Variants in BNC2 observed in about 807,000 individuals in gnomAD.
The protein encoded by BNC2 is zinc finger protein basonuclin-2.
BNC2 carries 20 observed loss-of-function variants against 76.3 expected under a neutral mutation model. That is an observed-to-expected ratio of 0.26 (90% CI 0.18 to 0.38). The LOEUF (loss-of-function observed/expected upper bound fraction) is 0.38. Ranked by LOEUF, BNC2 falls within the 10% of genes least tolerant of loss-of-function variation. The probability of loss-of-function intolerance (pLI) is 1.00; values close to 1 mark genes in which losing one functional copy is unlikely to be tolerated. For synonymous variants in BNC2, 582 were observed against 514.8 expected, an observed-to-expected ratio of 1.13 and a Z score of -1.77; for missense variants, 1,382 against 1,399.8, an observed-to-expected ratio of 0.99 and a Z score of 0.20.
chr9:16,753,519 G>A (rs6475075), intron 1 of BNC2, among the ~76,000 whole-genome samples: 131,060 of 152,206 alleles, frequency 0.86, 56,811 homozygotes, highest in Non-Finnish European at 0.91. Flanking sequence ...CATAAATAGT[G>A]CTTAAATCTA....
At chr9:16,528,820 A>C (rs563714507) in intron 5 of BNC2, among the ~76,000 whole-genome samples, 17 of 112,936 alleles carry the variant, frequency 1.5e-4, no homozygotes, top group Non-Finnish European at 2.9e-4. Flanking sequence ...AATGGATGAG[A>C]TCTCTCTATA....
At chr9:16,665,123 C>G (rs575109329) in intron 3 of BNC2, 254 of 454,268 alleles carry the variant, frequency 5.6e-4, no homozygotes, top group African/African-American at 4.8e-3. Context: ...AATCCCAGCA[C>G]TTTGGAAGTC....
intron 3 of BNC2, among the ~76,000 whole-genome samples, chr9:16,608,181 C>A (rs180790988): frequency 2.2e-4 from 34 of 152,256 alleles, no homozygotes; most frequent in Admixed American, 2.0e-3. Flanking sequence ...GTACTTCCTA[C>A]TTCCTATTTT....
At chr9:16,494,761 A>G (rs147714459) in intron 5 of BNC2, among the ~76,000 whole-genome samples, 8 of 152,216 alleles carry the variant, frequency 5.3e-5, no homozygotes, top group African/African-American at 1.9e-4. Flanking sequence ...CAGGCCGTGT[A>G]GAAGAGTTTG....
At chr9:16,621,715 C>G (rs1434083696) in intron 3 of BNC2, among the ~76,000 whole-genome samples, 2 of 152,074 alleles carry the variant, frequency 1.3e-5, no homozygotes, top group Non-Finnish European at 2.9e-5. Flanking sequence ...CCACTAGCCA[C>G]ATGTGGGTAT....
At chr9:16,593,365 C>A (rs1261706158) in intron 3 of BNC2, among the ~76,000 whole-genome samples, 1 of 152,048 alleles carries the variant, frequency 6.6e-6, no homozygotes, top group Non-Finnish European at 1.5e-5. Context: ...CAATAAGCAT[C>A]CATAGTCATT....
At chr9:16,473,585 G>A (rs59942959) in intron 5 of BNC2, among the ~76,000 whole-genome samples, 15,771 of 152,106 alleles carry the variant, frequency 0.1, 1,116 homozygotes, top group African/African-American at 0.2. Flanking sequence ...ATGAAGATAC[G>A]ATGATGGGAC....
intron 1 of BNC2, among the ~76,000 whole-genome samples, chr9:16,831,215 A>G (rs1818570590): frequency 6.6e-6 from 1 of 152,212 alleles, no homozygotes; most frequent in South Asian, 2.1e-4. Flanking sequence ...TCCCAAATTA[A>G]AAGACTTCAA....
intron 1 of BNC2, among the ~76,000 whole-genome samples, chr9:16,739,439 C>A: frequency 6.6e-6 from 1 of 152,312 alleles, no homozygotes; most frequent in South Asian, 2.1e-4. Context: ...AAAGCCGAGG[C>A]GGGCAGATAA....
chr9:16,587,644 T>A (rs761407341), intron 3 of BNC2, among the ~76,000 whole-genome samples: 17 of 152,136 alleles, frequency 1.1e-4, no homozygotes, highest in Non-Finnish European at 2.2e-4. Context: ...CTGAGGTTAT[T>A]TTCACCCTCC....
intron 5 of BNC2, among the ~76,000 whole-genome samples, chr9:16,481,828 C>G (rs1822063812): frequency 6.6e-6 from 1 of 152,168 alleles, no homozygotes; most frequent in African/African-American, 2.4e-5. Flanking sequence ...TATACACAAA[C>G]ACATACAGTC....
chr9:16,530,539 A>G (rs1817944790), intron 5 of BNC2, among the ~76,000 whole-genome samples: 1 of 152,218 alleles, frequency 6.6e-6, no homozygotes, highest in Non-Finnish European at 1.5e-5. Context: ...ATCCACTTTT[A>G]TGGAAAACAT....
At position 16,513,930 on chromosome 9, in the gene BNC2, C is replaced by A. The variant is rs537392411; in HGVS notation, c.669+38600G>T. ...ATTCCACCCTACGCTCGTGTTTATGCCCTATGAGATTAAATGTTAGCTTCC... is the reference window on the plus strand; with the variant it reads ...ATTCCACCCTACGCTCGTGTTTATGACCTATGAGATTAAATGTTAGCTTCC... On this transcript the variant is annotated intron_variant, in intron 5 of 6. Coordinates refer to ENST00000380672, the MANE Select transcript of BNC2 (RefSeq NM_017637.6). Among the ~76,000 whole-genome samples, 319 of 152,246 alleles carry A rather than the reference C, an allele frequency of 2.1e-3. 1 individual carries two copies. The highest frequency in any genetic ancestry group is 0.02 in the Middle Eastern group (6 of 294).
At chr9:16,755,583 C>A (rs2135326675) in intron 1 of BNC2, among the ~76,000 whole-genome samples, 1 of 152,200 alleles carries the variant, frequency 6.6e-6, no homozygotes, top group East Asian at 1.9e-4. Flanking sequence ...CTAAGCTACC[C>A]AGTACATTCC....
Position 16,418,931 on chromosome 9 carries a change from C to T in BNC2, c.*58G>A. On this transcript the variant is annotated 3_prime_UTR_variant, in exon 7 of 7. Coordinates refer to ENST00000380672, the MANE Select transcript of BNC2 (RefSeq NM_017637.6). ...GTACATAAGCGCACACTGACTATGG[C>T]AGTTCAAACACGTAGGCCATCTGGT... is the stretch of plus-strand genomic sequence containing the variant. 2 of 1,580,208 alleles carry T rather than the reference C, an allele frequency of 1.3e-6. No homozygotes were observed. Among genetic ancestry groups the T allele is most frequent in the Non-Finnish European group, 1.7e-6 (2 of 1,149,742 alleles).
intron 5 of BNC2, among the ~76,000 whole-genome samples, chr9:16,550,349 A>G (rs1818620610): frequency 6.6e-6 from 1 of 152,234 alleles, no homozygotes; most frequent in Non-Finnish European, 1.5e-5. Context: ...CAGGAAGCCA[A>G]AAGATTTGAC....
At chr9:16,519,460 G>C (rs978893069) in intron 5 of BNC2, among the ~76,000 whole-genome samples, 5 of 152,188 alleles carry the variant, frequency 3.3e-5, no homozygotes, top group Non-Finnish European at 5.9e-5. Context: ...TGGACAGGTA[G>C]AGACAACCCT....
intron 1 of BNC2, among the ~76,000 whole-genome samples, chr9:16,775,397 T>TAA (rs34632311): frequency 0.099 from 14,635 of 147,906 alleles, 851 homozygotes; most frequent in Admixed American, 0.18. Context: ...ATTTCGTTAT[T>TAA]AAAAAAAAAA....
intron 5 of BNC2, among the ~76,000 whole-genome samples, chr9:16,493,493 G>C (rs1394289569): frequency 3.3e-5 from 5 of 152,194 alleles, no homozygotes; most frequent in Non-Finnish European, 7.3e-5. Context: ...ATGGTAGGTA[G>C]ACTAGGTAGA....
Sources: allele counts gnomAD v4.1 joint callset (sites outside exome capture counted in the v4.1 genomes callset), GRCh38; gene constraint gnomAD v4.1.1; transcripts MANE v1.5; gene names NCBI Gene and HGNC (gene_info 2026-07-23, HGNC 2026-07-21).